Variants in DZANK1 observed in about 807,000 individuals in gnomAD.
DZANK1 encodes double zinc ribbon and ankyrin repeat-containing protein 1.
A neutral mutation model predicts 94.5 loss-of-function variants in DZANK1; 91 were observed. The observed-to-expected ratio is 0.96, with a 90% CI of 0.81 to 1.15. The LOEUF (loss-of-function observed/expected upper bound fraction) is 1.15. DZANK1 is among the 50% of genes most tolerant of loss of function. The probability of loss-of-function intolerance (pLI) is 0.00; values close to 1 mark genes in which losing one functional copy is unlikely to be tolerated. For synonymous variants in DZANK1, 312 were observed against 325.3 expected, an observed-to-expected ratio of 0.96 and a Z score of 0.44; for missense variants, 903 against 916.4, an observed-to-expected ratio of 0.99 and a Z score of 0.19.
At chr20:18,413,324 A>G in intron 12 of DZANK1, 1 of 160,120 alleles carries the variant, frequency 6.2e-6, no homozygotes, top group Non-Finnish European at 1.4e-5. Flanking sequence ...ATATATTTGC[A>G]TATGTATTAG....
chr20:18,463,383 A>T, intron 2 of DZANK1, among the ~76,000 whole-genome samples: 1 of 152,166 alleles, frequency 6.6e-6, no homozygotes, highest in East Asian at 1.9e-4. Flanking sequence ...CTGAAAACCT[A>T]CAGCAATGCT....
At chr20:18,419,445 T>C (rs2057664553) in intron 10 of DZANK1, among the ~76,000 whole-genome samples, 1 of 152,138 alleles carries the variant, frequency 6.6e-6, no homozygotes, top group Admixed American at 6.5e-5. Context: ...GACAAGATTC[T>C]AAATGAACAC....
intron 9 of DZANK1, among the ~76,000 whole-genome samples, chr20:18,430,739 C>T (rs1202766067): frequency 6.6e-6 from 1 of 152,046 alleles, no homozygotes; most frequent in African/African-American, 2.4e-5. Context: ...CACTTGATCC[C>T]GGGAGTTCAG....
At chr20:18,397,972 C>T (rs541382928) in intron 14 of DZANK1, among the ~76,000 whole-genome samples, 1 of 152,190 alleles carries the variant, frequency 6.6e-6, no homozygotes, top group Non-Finnish European at 1.5e-5. Context: ...GTTAGTCAAA[C>T]AGTCACAGAC....
At chr20:18,397,253 A>G (rs6132050) in intron 14 of DZANK1, among the ~76,000 whole-genome samples, 16,758 of 152,230 alleles carry the variant, frequency 0.11, 1,560 homozygotes, top group East Asian at 0.53. Context: ...TAGATTATCA[A>G]AGGAAATTGG....
chr20:18,397,445 G>A (rs6132051), intron 14 of DZANK1, among the ~76,000 whole-genome samples: 16,757 of 152,122 alleles, frequency 0.11, 1,555 homozygotes, highest in East Asian at 0.53. Flanking sequence ...GACAGGGTCC[G>A]ACAGATCTGC....
At chr20:18,461,988 C>G (rs772581241) in intron 2 of DZANK1, among the ~76,000 whole-genome samples, 1 of 151,910 alleles carries the variant, frequency 6.6e-6, no homozygotes, top group Non-Finnish European at 1.5e-5. Context: ...ATGAAAACAC[C>G]TATTTGACCA....
chr20:18,440,417 C>T (rs1042911873), intron 8 of DZANK1, among the ~76,000 whole-genome samples: 1 of 152,226 alleles, frequency 6.6e-6, no homozygotes, highest in Non-Finnish European at 1.5e-5. Context: ...TGAATTTATA[C>T]CAATTTCAAG....
At chr20:18,449,272 G>A (rs1239822356) in intron 6 of DZANK1, among the ~76,000 whole-genome samples, 2 of 151,942 alleles carry the variant, frequency 1.3e-5, no homozygotes, top group African/African-American at 4.8e-5. Flanking sequence ...TGGGTGCAGT[G>A]TTCACTATTT....
At chr20:18,400,257 G>A (rs2056598230) in intron 13 of DZANK1, among the ~76,000 whole-genome samples, 2 of 152,178 alleles carry the variant, frequency 1.3e-5, no homozygotes, top group Admixed American at 1.3e-4. Flanking sequence ...AGCAGGACAA[G>A]GAAGGGAAGG....
chr20:18,391,486 G>C (rs8124818), intron 17 of DZANK1, among the ~76,000 whole-genome samples: 54,105 of 152,068 alleles, frequency 0.36, 10,710 homozygotes, highest in Middle Eastern at 0.46. Context: ...GCCTGCCTCA[G>C]CCTCCCTAAG....
chr20:18,414,875 T>G (rs1175496558), intron 11 of DZANK1, among the ~76,000 whole-genome samples: 1 of 152,224 alleles, frequency 6.6e-6, no homozygotes, highest in Non-Finnish European at 1.5e-5. Flanking sequence ...AGCACCAGTT[T>G]ACTTATACAT....
intron 7 of DZANK1, 93 bp from the exon 8 acceptor site, chr20:18,443,557 C>G (rs1446926258): frequency 1.4e-6 from 1 of 706,746 alleles, no homozygotes; most frequent in African/African-American, 1.9e-5. Flanking sequence ...CAGTTTTAAA[C>G]ACAAAACAAA....
At chr20:18,417,880 G>A (rs1320723689) in intron 10 of DZANK1, among the ~76,000 whole-genome samples, 4 of 152,144 alleles carry the variant, frequency 2.6e-5, no homozygotes, top group Non-Finnish European at 4.4e-5. Context: ...GAGGTCAGGA[G>A]TTCGAGACCA....
chr20:18,413,033 C>G, intron 12 of DZANK1, 180 bp from the exon 13 acceptor site: 2 of 632,842 alleles, frequency 3.2e-6, no homozygotes, highest in South Asian at 2.1e-5. Context: ...TCAGCAACTT[C>G]CAGCCTGATC....
intron 17 of DZANK1, among the ~76,000 whole-genome samples, chr20:18,392,830 T>C (rs2056091242): frequency 6.6e-6 from 1 of 151,922 alleles, no homozygotes; most frequent in Admixed American, 6.6e-5. Flanking sequence ...AAAATCCAGC[T>C]GAAGATACCA....
intron 8 of DZANK1, among the ~76,000 whole-genome samples, chr20:18,442,715 A>G (rs1259575711): frequency 3.3e-5 from 5 of 152,216 alleles, no homozygotes; most frequent in African/African-American, 9.6e-5. Flanking sequence ...TTTTCACTCA[A>G]TATCACAGAT....
At chr20:18,414,208 T>A (rs1454642887) in intron 12 of DZANK1, 140 bp downstream of exon 12, 2 of 967,368 alleles carry the variant, frequency 2.1e-6, no homozygotes, top group African/African-American at 3.3e-5. Context: ...TGCATTTATT[T>A]ACACACCTAG....
intron 13 of DZANK1, among the ~76,000 whole-genome samples, chr20:18,406,428 A>G (rs928471390): frequency 2.0e-5 from 3 of 152,198 alleles, no homozygotes; most frequent in African/African-American, 7.2e-5. Flanking sequence ...CCCAGCTGAC[A>G]TTTCTAGGCA....
Sources: gnomAD v4.1 joint callset for allele counts (sites outside exome capture counted in the v4.1 genomes callset) on GRCh38, gnomAD v4.1.1 for gene constraint, MANE v1.5 for transcripts, NCBI Gene and HGNC (gene_info 2026-07-23, HGNC 2026-07-21) for gene names.